The following KIF2A variants were observed in gnomAD, a reference collection of about 807,000 sequenced individuals.
KIF2A encodes the protein kinesin-like protein KIF2A.
In KIF2A, 22 loss-of-function variants were observed where a neutral mutation model predicts 100.2. The ratio of observed to expected loss-of-function variants is 0.22; its 90% CI spans 0.16 to 0.31. KIF2A has a LOEUF of 0.31. Ranked by LOEUF, KIF2A falls within the 10% of genes least tolerant of loss-of-function variation. KIF2A has a pLI of 1.00. For synonymous variants in KIF2A, 268 were observed against 285.9 expected (o/e 0.94, Z 0.63); for missense variants, 495 against 898.7 (o/e 0.55, Z 5.74).
chr5:62,386,704 C>T lies in KIF2A; in HGVS notation c.*1135C>T, dbSNP rs1742043425. 6.6e-6 allele frequency among the ~76,000 whole-genome samples: 1 copy of T among 152,186 alleles called. No homozygotes were observed. The highest frequency in any genetic ancestry group is 6.5e-5 in the Admixed American group (1 of 15,278). On this transcript the variant is annotated 3_prime_UTR_variant, in exon 21 of 21. Transcript: ENST00000407818. ...AGGCAGATCTAACCCAAGCTCCATC[C>T]AGTACCAAATGTGAAACTTCATTGT...
intron 1 of KIF2A, among the ~76,000 whole-genome samples, chr5:62,319,378 T>C (rs1003402956): frequency 1.3e-5 from 2 of 152,172 alleles, no homozygotes; most frequent in African/African-American, 2.4e-5. Flanking sequence ...TTCAGTCTTA[T>C]TCTTGCTGCT....
intron 1 of KIF2A, among the ~76,000 whole-genome samples, chr5:62,344,655 C>T (rs1228228939): frequency 6.6e-6 from 1 of 152,190 alleles, no homozygotes; most frequent in Non-Finnish European, 1.5e-5. Context: ...GAAGCATTCA[C>T]ACCTATGTTC....
chr5:62,314,758 G>GTTTTTTTTTTTTTTTTTTTTTTTTT, intron 1 of KIF2A, among the ~76,000 whole-genome samples: 1 of 100,914 alleles, frequency 9.9e-6, no homozygotes, highest in Non-Finnish European at 1.9e-5. Flanking sequence ...AGAATGAACT[G>GTTTTTTTTTTTTTTTTTTTTTTTTT]TTTTTTTTTT....
intron 20 of KIF2A, among the ~76,000 whole-genome samples, chr5:62,383,019 C>T (rs1158224924): frequency 1.3e-5 from 2 of 151,686 alleles, no homozygotes; most frequent in Non-Finnish European, 2.9e-5. Context: ...CTCCGCCTCC[C>T]AGGTTCAAGC....
rs755463219 is a variant in KIF2A at position 62,348,104 on chromosome 5, T to A, written c.216T>A (p.Ile72=). Residue 72 remains isoleucine (I), a synonymous_variant, in exon 3 of 21, where the codon ATT becomes ATA. Transcript: ENST00000407818. ...CTGACCTTGTTCCTGATGAAGAAAT[T>A]GAACCCAGTCCAGAAACACCTCCAC... ...LNPDLVPDEE[I]EPSPETPPPP... 21 of 1,613,722 alleles carry A rather than the reference T, an allele frequency of 1.3e-5. No individual in the cohort carries two copies. Among genetic ancestry groups the A allele is most frequent in the Non-Finnish European group, 1.6e-5 (19 of 1,179,790 alleles).
chr5:62,361,421 T>TA, intron 10 of KIF2A, 45 bp from the exon 11 acceptor site: 2 of 1,437,832 alleles, frequency 1.4e-6, no homozygotes, highest in Non-Finnish European at 2.0e-6. Context: ...TCTTAAGAGT[T>TA]ATTCCTGAGT....
intron 6 of KIF2A, among the ~76,000 whole-genome samples, chr5:62,354,426 T>A (rs1431619421): frequency 6.6e-6 from 1 of 152,122 alleles, no homozygotes; most frequent in Non-Finnish European, 1.5e-5. Flanking sequence ...CTGAATATGA[T>A]GTATAAAAAA....
chr5:62,380,106 T>C (rs1580103257), intron 19 of KIF2A, among the ~76,000 whole-genome samples: 1 of 152,346 alleles, frequency 6.6e-6, no homozygotes, highest in East Asian at 1.9e-4. Context: ...TTGGCCCGGC[T>C]GATCTTGAAC....
At chr5:62,317,222 A>G (rs148287195) in intron 1 of KIF2A, among the ~76,000 whole-genome samples, 2,020 of 151,966 alleles carry the variant, frequency 0.013, 45 homozygotes, top group African/African-American at 0.047. Context: ...CTAATTTTGT[A>G]TTTTTAGTAG....
chr5:62,338,619 CTG>C (rs1747104663), intron 1 of KIF2A, among the ~76,000 whole-genome samples: 1 of 152,048 alleles, frequency 6.6e-6, no homozygotes, highest in African/African-American at 2.4e-5. Context: ...ATGTAAGAGA[CTG>C]TTTTAGGGAT....
intron 7 of KIF2A, among the ~76,000 whole-genome samples, chr5:62,357,328 C>T (rs530129530): frequency 3.3e-5 from 5 of 152,250 alleles, no homozygotes; most frequent in African/African-American, 1.2e-4. Flanking sequence ...AGGTGATCTG[C>T]CCACCTTAGC....
At chr5:62,352,436 A>AT (rs1427082908) in intron 4 of KIF2A, among the ~76,000 whole-genome samples, 152 bp from the exon 5 acceptor site, 1 of 152,120 alleles carries the variant, frequency 6.6e-6, no homozygotes, top group Non-Finnish European at 1.5e-5. Context: ...ATTATAAACT[A>AT]TATTATATTT....
At chr5:62,363,351 A>G in intron 13 of KIF2A, 31 bp downstream of exon 13, 1 of 1,596,306 alleles carries the variant, frequency 6.3e-7, no homozygotes, top group African/African-American at 1.4e-5. Context: ...GAAAGGAAAC[A>G]TCAGTTTTAG....
In KIF2A at chr5:62,363,282, A is replaced by G. The variant is rs1561274484; in HGVS notation, c.1224A>G (p.Glu408=). 4 of 1,613,718 alleles carry G rather than the reference A, an allele frequency of 2.5e-6. No individual in the cohort carries two copies. Among genetic ancestry groups the G allele is most frequent in the East Asian group, 2.2e-5 (1 of 44,862 alleles). Residue 408 remains glutamate (E), a synonymous_variant, in exon 13 of 21, where the codon GAA becomes GAG. Coordinates refer to ENST00000407818, the MANE Select transcript of KIF2A (RefSeq NM_001098511.3). ...GLQEREVKCV[E]DVLKLIDIGN... is the part of the protein sequence containing the mutation. ...AGGAACGGGAGGTCAAATGTGTTGA[A>G]GATGTACTGAAACTCATTGACATAG...
At chr5:62,361,616 A>T in intron 11 of KIF2A, 87 bp downstream of exon 11, 1 of 754,458 alleles carries the variant, frequency 1.3e-6, no homozygotes, top group Admixed American at 2.1e-5. Flanking sequence ...AATATTGTTC[A>T]GCAACTATAA....
At chr5:62,336,217 G>A (rs918187004) in intron 1 of KIF2A, among the ~76,000 whole-genome samples, 6 of 152,156 alleles carry the variant, frequency 3.9e-5, no homozygotes, top group Non-Finnish European at 8.8e-5. Context: ...AGGATGATGC[G>A]GGAGAAAGAG....
intron 1 of KIF2A, chr5:62,312,015 C>CT (rs1745576413): frequency 6.6e-6 from 1 of 152,322 alleles, no homozygotes; most frequent in South Asian, 2.1e-4. Context: ...TCCCAGCTCT[C>CT]TAAGTGCTGC....
Position 62,306,372 on chromosome 5 carries a change from G to T in KIF2A, c.-101G>T. The T allele has an allele frequency of 1.0e-6, 1 of 965,458 alleles. No homozygotes were observed. The highest frequency in any genetic ancestry group is 1.5e-5 in the South Asian group (1 of 66,068). The allele number at this position is 965,458 out of a possible 1,614,324, so 59.8% of individuals were successfully genotyped here. On this transcript the variant is annotated 5_prime_UTR_variant, in exon 1 of 21. Transcript: ENST00000407818. Reference sequence around the variant, plus strand: ...CTGTCGCCCGGGCCGGCGCGGCCGCGGGCAACCGCTCCCCCTCCCACACCT... The same window carrying T: ...CTGTCGCCCGGGCCGGCGCGGCCGCTGGCAACCGCTCCCCCTCCCACACCT...
rs1745431648 is a variant in KIF2A at position 62,308,807 on chromosome 5, A to G, written c.64+2271A>G. 3.9e-5 allele frequency among the ~76,000 whole-genome samples: 6 copies of G among 152,346 alleles called. No individual in the cohort carries two copies. The South Asian group carries it at 1.2e-3, about 32-fold the overall frequency. On this transcript the variant is annotated intron_variant, in intron 1 of 20. Coordinates refer to ENST00000407818, the MANE Select transcript of KIF2A (RefSeq NM_001098511.3). The stretch of plus-strand genomic sequence containing the variant: ...ATGGGGAGATATAGGTCAAGGATAC[A>G]AAATAGCAGATATGTAGGATGAACA...
Sources: gnomAD v4.1 joint callset for allele counts (sites outside exome capture counted in the v4.1 genomes callset) on GRCh38, gnomAD v4.1.1 for gene constraint, MANE v1.5 for transcripts, NCBI Gene and HGNC (gene_info 2026-07-23, HGNC 2026-07-21) for gene names.